Variants in NRXN3 observed in about 807,000 individuals in gnomAD.
The protein encoded by NRXN3 is neurexin III.
In NRXN3, 32 loss-of-function variants were observed where a neutral mutation model predicts 137.6. The ratio of observed to expected loss-of-function variants is 0.23; its 90% confidence interval spans 0.18 to 0.31. The LOEUF (loss-of-function observed/expected upper bound fraction) is 0.31, where lower values mean the gene tolerates loss of function less well. Ranked by LOEUF, NRXN3 falls within the 10% of genes least tolerant of loss-of-function variation. The probability of loss-of-function intolerance (pLI) is 1.00; values close to 1 mark genes in which losing one functional copy is unlikely to be tolerated. For synonymous variants in NRXN3, 798 were observed against 784.5 expected (o/e 1.02, Z -0.29); for missense variants, 1,574 against 2,062.5 (o/e 0.76, Z 4.59).
chr14:79,589,222 CCCAG>C (rs1483980423), intron 16 of NRXN3, among the ~76,000 whole-genome samples: 6 of 152,154 alleles, frequency 3.9e-5, no homozygotes, highest in African/African-American at 9.6e-5. Flanking sequence ...GCCCCTGCAC[CCCAG>C]CCTGGGTGAC....
At chr14:78,602,717 C>G (rs1417929743) in intron 4 of NRXN3, among the ~76,000 whole-genome samples, 1 of 152,182 alleles carries the variant, frequency 6.6e-6, no homozygotes, top group Non-Finnish European at 1.5e-5. Context: ...ACTCTGAACA[C>G]CCACACCGGC....
intron 6 of NRXN3, among the ~76,000 whole-genome samples, chr14:78,697,430 A>C (rs2152791655): frequency 6.6e-6 from 1 of 152,164 alleles, no homozygotes; most frequent in South Asian, 2.1e-4. Flanking sequence ...AAGGCAACGG[A>C]GTGAGTCATC....
In NRXN3 at chr14:79,049,096, T is replaced by TTA. The variant is rs1555693995; in HGVS notation, c.3262+60955_3262+60956insTA. ...AAAATAATAATAATAATAATAATAA[T>TTA]ATGATGGGGTGTGCTGCATTGACTG... is the stretch of plus-strand genomic sequence containing the variant. On this transcript the variant is annotated intron_variant, in intron 15 of 20. Transcript: ENST00000335750. 7.4e-3 allele frequency among the ~76,000 whole-genome samples: 603 copies of TTA among 81,376 alleles called. 111 individuals are homozygous for TTA. The highest frequency in any genetic ancestry group is 0.026 in the East Asian group (65 of 2,504). The allele number at this position is 81,376 out of a possible 152,430, so 53.4% of individuals were successfully genotyped here. A position where few individuals can be genotyped will look rare whatever the true frequency, so the allele number is the denominator to read the frequency against.
chr14:78,553,459 C>T (rs1295738068), intron 4 of NRXN3, among the ~76,000 whole-genome samples: 3 of 152,148 alleles, frequency 2.0e-5, no homozygotes, highest in African/African-American at 7.2e-5. Flanking sequence ...GGTTTGCCTC[C>T]ACACCTTAGC....
chr14:79,499,828 G>A (rs1199823690), intron 16 of NRXN3, among the ~76,000 whole-genome samples: 1 of 152,066 alleles, frequency 6.6e-6, no homozygotes, highest in Non-Finnish European at 1.5e-5. Flanking sequence ...GTCATGATAT[G>A]GACTGACTCA....
Position 78,957,093 on chromosome 14 carries a change from T to C in NRXN3, c.2276-149T>C, listed in dbSNP as rs1013844098. 5 of 757,166 alleles carry C rather than the reference T, an allele frequency of 6.6e-6. No homozygotes were observed. The African/African-American group carries it at 8.8e-5, about 13-fold the overall frequency. The allele number at this position is 757,166 out of a possible 1,614,324, so 46.9% of individuals were successfully genotyped here. On this transcript the variant is annotated intron_variant, in intron 10 of 20. Coordinates refer to ENST00000335750, the MANE Select transcript of NRXN3 (RefSeq NM_001330195.2). ...TTGGGGACTCCTACAGAGAATCCAC[T>C]GGATCAGTAAAATTCGAATGGACTT...
rs150982743 is a variant in NRXN3 at position 79,040,059 on chromosome 14, A to G, written c.3262+51918A>G. Among the ~76,000 whole-genome samples the G allele has an allele frequency of 1.6e-4, 24 of 152,282 alleles. No homozygotes were observed. In the East Asian group the frequency reaches 4.4e-3, roughly 28 times the overall value. ...CACTGGAAGTGTACAGCTAATCTGA[A>G]GTGGCCTTCCACAGTTCCCATCTCG... is the stretch of plus-strand genomic sequence containing the variant. On this transcript the variant is annotated intron_variant, in intron 15 of 20. Coordinates refer to ENST00000335750, the MANE Select transcript of NRXN3 (RefSeq NM_001330195.2).
chr14:78,851,439 TAG>T (rs2099042329), intron 10 of NRXN3, among the ~76,000 whole-genome samples: 1 of 152,210 alleles, frequency 6.6e-6, no homozygotes, highest in African/African-American at 2.4e-5. Context: ...AAGGCTGTGT[TAG>T]AGAGTGTGGC....
chr14:79,032,209 A>ATCAC (rs2099609366), intron 15 of NRXN3, among the ~76,000 whole-genome samples: 2 of 152,188 alleles, frequency 1.3e-5, no homozygotes, highest in Non-Finnish European at 2.9e-5. Flanking sequence ...TCTCTGAAAA[A>ATCAC]TCACACATGC....
chr14:78,330,817 A>G (rs2080726216), intron 4 of NRXN3, among the ~76,000 whole-genome samples: 1 of 152,198 alleles, frequency 6.6e-6, no homozygotes, highest in Non-Finnish European at 1.5e-5. Context: ...TGTAATTGAT[A>G]TGGATGTTAA....
At chr14:79,326,327 GTA>G (rs754737439) in intron 15 of NRXN3, among the ~76,000 whole-genome samples, 5 of 152,068 alleles carry the variant, frequency 3.3e-5, no homozygotes, top group Non-Finnish European at 7.4e-5. Context: ...AATATGTCTG[GTA>G]CTGGACTAGA....
chr14:78,440,383 T>C (rs2094204887), intron 4 of NRXN3, among the ~76,000 whole-genome samples: 1 of 151,710 alleles, frequency 6.6e-6, no homozygotes, highest in Admixed American at 6.6e-5. Context: ...CATCAGCTGA[T>C]GATGATGATG....
At chr14:78,427,065 G>A (rs2093691901) in intron 4 of NRXN3, among the ~76,000 whole-genome samples, 1 of 152,158 alleles carries the variant, frequency 6.6e-6, no homozygotes, top group Non-Finnish European at 1.5e-5. Context: ...GACTGAGGGG[G>A]AAGGAGGAGC....
intron 10 of NRXN3, among the ~76,000 whole-genome samples, chr14:78,864,081 C>T (rs1309735033): frequency 2.0e-5 from 3 of 152,142 alleles, no homozygotes; most frequent in African/African-American, 7.2e-5. Flanking sequence ...GGATGTATCT[C>T]TTCCTTTCTG....
At chr14:79,843,872 T>C (rs2099361424) in intron 20 of NRXN3, among the ~76,000 whole-genome samples, 1 of 152,180 alleles carries the variant, frequency 6.6e-6, no homozygotes, top group Admixed American at 6.6e-5. Flanking sequence ...GTGTACATTG[T>C]ACCCAATATA....
At chr14:79,692,303 C>T (rs1231524782) in intron 18 of NRXN3, 41 bp downstream of exon 18, 1 of 1,424,516 alleles carries the variant, frequency 7.0e-7, no homozygotes. Flanking sequence ...TCATTTGATC[C>T]TAAACCCTCA....
intron 15 of NRXN3, among the ~76,000 whole-genome samples, chr14:79,151,638 G>A (rs1186214531): frequency 2.0e-5 from 3 of 151,972 alleles, no homozygotes; most frequent in Non-Finnish European, 4.4e-5. Flanking sequence ...GAGCTCAAAT[G>A]AACAGGGCCT....
At chr14:79,626,858 A>G (rs1018416349) in intron 16 of NRXN3, among the ~76,000 whole-genome samples, 2 of 152,178 alleles carry the variant, frequency 1.3e-5, no homozygotes, top group South Asian at 2.1e-4. Context: ...ATTATTTTAC[A>G]TAGAAATAAA....
intron 8 of NRXN3, among the ~76,000 whole-genome samples, chr14:78,768,980 C>T (rs947236520): frequency 1.3e-5 from 2 of 152,180 alleles, no homozygotes; most frequent in Non-Finnish European, 1.5e-5. Context: ...ACTCAATCTC[C>T]TCCATCTTCA....
Sources: allele counts gnomAD v4.1 joint callset (sites outside exome capture counted in the v4.1 genomes callset), GRCh38; gene constraint gnomAD v4.1.1; transcripts MANE v1.5; gene names NCBI Gene and HGNC (gene_info 2026-07-23, HGNC 2026-07-21).